Variants in HS3ST4 observed in about 807,000 individuals in gnomAD.
HS3ST4 encodes the protein heparan sulfate-glucosamine 3-sulfotransferase 4, also known as heparan sulfate glucosamine 3-O-sulfotransferase 4.
HS3ST4 carries 17 observed loss-of-function variants against 29.2 expected under a neutral mutation model. The ratio of observed to expected loss-of-function variants is 0.58; its 90% CI spans 0.40 to 0.87. HS3ST4 has a LOEUF of 0.87. Among genes scored for constraint, HS3ST4 ranks in the 40% least tolerant of loss-of-function variants. The pLI is 0.00. For synonymous variants in HS3ST4, 314 were observed against 285.7 expected, an observed-to-expected ratio of 1.10 and a Z score of -1.00; for missense variants, 627 against 634.5, an observed-to-expected ratio of 0.99 and a Z score of 0.13.
chr16:25,788,540 C>CTTTTTTT lies in HS3ST4; in HGVS notation c.734+95392_734+95393insTTTTTTT, dbSNP rs34729954. Among the ~76,000 whole-genome samples the CTTTTTTT allele has an allele frequency of 3.0e-4, 30 of 99,054 alleles. 1 individual carries two copies. Among genetic ancestry groups the CTTTTTTT allele is most frequent in the Middle Eastern group, 5.5e-3 (1 of 182 alleles). The allele number at this position is 99,054 out of a possible 152,430, so 65.0% of individuals were successfully genotyped here. ...TTCCTACATTTTTTTTTCTTTTCTTCTTTCTTTTTTTTTTTTTTTTGACAG... is the reference window on the plus strand; with the variant it reads ...TTCCTACATTTTTTTTTCTTTTCTTCTTTTTTTTTTCTTTTTTTTTTTTTTTTGACAG... On this transcript the variant is annotated intron_variant, in intron 1 of 1. Transcript: ENST00000331351.
intron 1 of HS3ST4, among the ~76,000 whole-genome samples, chr16:25,774,521 A>G (rs1378965929): frequency 2.0e-5 from 3 of 152,210 alleles, no homozygotes; most frequent in Admixed American, 1.3e-4. Flanking sequence ...CCCTAAGGCC[A>G]GACTGCCTGA....
intron 1 of HS3ST4, among the ~76,000 whole-genome samples, chr16:26,124,167 G>T (rs957178663): frequency 6.6e-6 from 1 of 152,048 alleles, no homozygotes; most frequent in African/African-American, 2.4e-5. Context: ...TGATCCACCC[G>T]CCTCGGCCTC....
intron 1 of HS3ST4, among the ~76,000 whole-genome samples, chr16:25,937,944 T>C (rs2141690667): frequency 1.3e-5 from 2 of 152,228 alleles, no homozygotes; most frequent in Middle Eastern, 6.8e-3. Context: ...AAATGGGTGG[T>C]GTGCTGACCA....
Position 25,832,032 on chromosome 16 carries a change from G to T in HS3ST4, c.734+138881G>T, listed in dbSNP as rs115432254. On this transcript the variant is annotated intron_variant, in intron 1 of 1. Transcript: ENST00000331351. ...GAGATAGGAGGATCACTTGGACCCA[G>T]GATTGTTGAGGCTGCAGTGAACCAT... Among the ~76,000 whole-genome samples, 525 of 152,100 alleles carry T rather than the reference G, an allele frequency of 3.5e-3. 3 individuals are homozygous for T. The highest frequency in any genetic ancestry group is 0.012 in the African/African-American group (504 of 41,494).
At chr16:25,730,306 T>C (rs1966562213) in intron 1 of HS3ST4, among the ~76,000 whole-genome samples, 1 of 152,102 alleles carries the variant, frequency 6.6e-6, no homozygotes, top group East Asian at 1.9e-4. Context: ...CTCCTTGGGT[T>C]GTTTTCTTCT....
chr16:25,943,463 C>A (rs1254278657), intron 1 of HS3ST4, among the ~76,000 whole-genome samples: 1 of 152,082 alleles, frequency 6.6e-6, no homozygotes, highest in African/African-American at 2.4e-5. Flanking sequence ...TCTCATATGG[C>A]AAATACTGGA....
At chr16:25,989,710 T>TTTTG (rs1285317189) in intron 1 of HS3ST4, among the ~76,000 whole-genome samples, 13 of 152,240 alleles carry the variant, frequency 8.5e-5, no homozygotes, top group Admixed American at 8.5e-4. Context: ...TTTAATTTCC[T>TTTTG]TTTGTTTGTT....
At chr16:25,980,402 C>A (rs1028567011) in intron 1 of HS3ST4, among the ~76,000 whole-genome samples, 1 of 152,150 alleles carries the variant, frequency 6.6e-6, no homozygotes, top group African/African-American at 2.4e-5. Context: ...CACTCTTTTT[C>A]CCTCTAAGGC....
At chr16:25,703,357 A>G (rs1966350010) in intron 1 of HS3ST4, among the ~76,000 whole-genome samples, 1 of 152,170 alleles carries the variant, frequency 6.6e-6, no homozygotes, top group Non-Finnish European at 1.5e-5. Context: ...ATGATATTGT[A>G]TCACGTGTGC....
At chr16:26,096,698 C>T (rs1354255027) in intron 1 of HS3ST4, among the ~76,000 whole-genome samples, 1 of 152,160 alleles carries the variant, frequency 6.6e-6, no homozygotes, top group Non-Finnish European at 1.5e-5. Flanking sequence ...GACAAGGATG[C>T]CCTCTCTCAC....
intron 1 of HS3ST4, among the ~76,000 whole-genome samples, chr16:25,978,984 A>G (rs8062571): frequency 0.93 from 136,706 of 146,230 alleles, 63,981 homozygotes; most frequent in African/African-American, 0.97. Flanking sequence ...TGCAACCTCC[A>G]CCTCCCGGGT....
chr16:26,129,059 T>G (rs4628979), intron 1 of HS3ST4, among the ~76,000 whole-genome samples: 16,855 of 152,258 alleles, frequency 0.11, 1,047 homozygotes, highest in African/African-American at 0.14. Context: ...CCAGAGAGAA[T>G]GGGCACTTTA....
intron 1 of HS3ST4, among the ~76,000 whole-genome samples, chr16:25,963,363 C>G (rs370274048): frequency 6.6e-6 from 1 of 152,080 alleles, no homozygotes; most frequent in Non-Finnish European, 1.5e-5. Flanking sequence ...TTTTTTCATG[C>G]CCTCCTTCTT....
intron 1 of HS3ST4, among the ~76,000 whole-genome samples, chr16:25,858,580 A>G (rs1361736599): frequency 6.6e-6 from 1 of 152,062 alleles, no homozygotes; most frequent in Non-Finnish European, 1.5e-5. Flanking sequence ...CTGAGTTGCA[A>G]TGTATGCTTT....
chr16:25,971,885 C>G (rs1480588733), intron 1 of HS3ST4, among the ~76,000 whole-genome samples: 2 of 152,000 alleles, frequency 1.3e-5, no homozygotes, highest in Non-Finnish European at 2.9e-5. Context: ...GAGCCAAGAT[C>G]GTGCCACTGG....
chr16:26,031,296 G>A (rs1226072054), intron 1 of HS3ST4, among the ~76,000 whole-genome samples: 1 of 152,142 alleles, frequency 6.6e-6, no homozygotes, highest in Non-Finnish European at 1.5e-5. Context: ...AGAAAGAGAT[G>A]GATACAGATC....
intron 1 of HS3ST4, among the ~76,000 whole-genome samples, chr16:26,085,170 C>T (rs1360271349): frequency 6.6e-6 from 1 of 152,136 alleles, no homozygotes; most frequent in Non-Finnish European, 1.5e-5. Context: ...GATTTAGATC[C>T]AGAAAAATTG....
chr16:25,702,799 C>T (rs4787743), intron 1 of HS3ST4, among the ~76,000 whole-genome samples: 5,090 of 152,252 alleles, frequency 0.033, 124 homozygotes, highest in Middle Eastern at 0.058. Context: ...GACTGCCTTA[C>T]ACCCCCAATT....
intron 1 of HS3ST4, among the ~76,000 whole-genome samples, chr16:25,826,648 T>TA (rs1289677944): frequency 3.3e-5 from 5 of 151,056 alleles, no homozygotes; most frequent in African/African-American, 7.3e-5. Context: ...TAGGGCACTA[T>TA]AAAAAAAAGG....
Sources: gnomAD v4.1 joint callset for allele counts (sites outside exome capture counted in the v4.1 genomes callset) on GRCh38, gnomAD v4.1.1 for gene constraint, MANE v1.5 for transcripts, NCBI Gene and HGNC (gene_info 2026-07-23, HGNC 2026-07-21) for gene names.